MAP4K3: variants seen among roughly 807,000 people sequenced by gnomAD.
MAP4K3 encodes MAPK/ERK kinase kinase kinase 3.
MAP4K3 carries 94 observed loss-of-function variants against 143.5 expected under a neutral mutation model. That is an observed-to-expected ratio of 0.65 (90% CI 0.55 to 0.78). The LOEUF is 0.78. MAP4K3 is among the 30% of genes least tolerant of loss of function. MAP4K3 has a pLI of 0.00. For missense variants in MAP4K3, 1,077 were observed against 1,068.1 expected (o/e 1.01, Z -0.12); for synonymous variants, 416 against 347.2 (o/e 1.20, Z -2.20).
rs2148505418 is a variant in MAP4K3 at position 39,315,649 on chromosome 2, T to G, written c.919-261A>C. ...TTCTTTGGCTAAATACATATGAAAT[T>G]AAACACAATTAGTAACATATTCTTA... On this transcript the variant is annotated intron_variant, in intron 12 of 33. Transcript: ENST00000263881. The G allele has an allele frequency of 7.5e-6, 3 of 400,488 alleles. No individual in the cohort carries two copies. The Admixed American group carries it at 1.2e-4, about 16-fold the overall frequency. 24.8% of individuals were successfully genotyped at this position (400,488 alleles called of 1,614,324 possible).
intron 1 of MAP4K3, among the ~76,000 whole-genome samples, chr2:39,401,914 T>C (rs1017026105): frequency 5.3e-5 from 8 of 152,048 alleles, no homozygotes; most frequent in African/African-American, 1.9e-4. Flanking sequence ...CAAAGTAGAA[T>C]TCACAATGTC....
intron 31 of MAP4K3, among the ~76,000 whole-genome samples, chr2:39,257,819 T>C (rs532111006): frequency 7.0e-6 from 1 of 142,766 alleles, no homozygotes; most frequent in East Asian, 2.0e-4. Context: ...AAAAAAGAAA[T>C]GATATTACTT....
intron 1 of MAP4K3, among the ~76,000 whole-genome samples, chr2:39,408,816 G>C (rs1054711814): frequency 2.0e-5 from 3 of 152,166 alleles, no homozygotes; most frequent in Non-Finnish European, 4.4e-5. Context: ...AGAAGAAGCA[G>C]TGCCAGAAAG....
At chr2:39,288,714 A>G (rs1313894484) in intron 19 of MAP4K3, among the ~76,000 whole-genome samples, 1 of 152,156 alleles carries the variant, frequency 6.6e-6, no homozygotes, top group Non-Finnish European at 1.5e-5. Flanking sequence ...CTTTATGGTA[A>G]TGCTTAATCT....
intron 1 of MAP4K3, among the ~76,000 whole-genome samples, chr2:39,401,915 T>G (rs550789897): frequency 3.3e-5 from 5 of 152,092 alleles, no homozygotes; most frequent in African/African-American, 1.2e-4. Flanking sequence ...AAAGTAGAAT[T>G]CACAATGTCT....
chr2:39,351,777 T>C (rs1665466932), intron 3 of MAP4K3, among the ~76,000 whole-genome samples: 1 of 152,154 alleles, frequency 6.6e-6, no homozygotes, highest in Non-Finnish European at 1.5e-5. Context: ...CAAGTGATTC[T>C]CCTGCTTCAG....
rs773723674 is a variant in MAP4K3, at chr2:39,272,476, A to G, written c.1855+6T>C. ...TTGTAAGGTATTTAAAAACTAATATACTTACCAGATATTGATAGCAAGCAA... is the reference window on the plus strand; with the variant it reads ...TTGTAAGGTATTTAAAAACTAATATGCTTACCAGATATTGATAGCAAGCAA... On this transcript the variant is annotated splice_donor_region_variant and intron_variant, in intron 25 of 33. Coordinates refer to ENST00000263881, the MANE Select transcript of MAP4K3 (RefSeq NM_003618.4). 5.6e-6 allele frequency: 9 copies of G among 1,609,288 alleles called. No individual in the cohort carries two copies. The highest frequency in any genetic ancestry group is 1.7e-5 in the Admixed American group (1 of 60,012).
At chr2:39,415,168 T>C (rs1194240333) in intron 1 of MAP4K3, among the ~76,000 whole-genome samples, 1 of 152,230 alleles carries the variant, frequency 6.6e-6, no homozygotes, top group African/African-American at 2.4e-5. Context: ...ATTTAAATGT[T>C]ATAGCTCTCA....
chr2:39,270,103 T>C (rs1680950224), intron 26 of MAP4K3, among the ~76,000 whole-genome samples: 1 of 152,166 alleles, frequency 6.6e-6, no homozygotes, highest in African/African-American at 2.4e-5. Flanking sequence ...AAAGCTAACT[T>C]AGGGGTTAAA....
intron 12 of MAP4K3, among the ~76,000 whole-genome samples, chr2:39,325,294 G>A (rs1402569949): frequency 1.3e-5 from 2 of 152,118 alleles, no homozygotes; most frequent in Non-Finnish European, 2.9e-5. Flanking sequence ...ATATGCCTTT[G>A]CCATTTTCAC....
In MAP4K3 at chr2:39,280,301, G is replaced by A; in HGVS notation, c.1685C>T (p.Ala562Val). ...FNGCPLKIHCASSWINPDTRD... is the reference protein window; with the variant it reads ...FNGCPLKIHCVSSWINPDTRD... ...TGTATCTGGGTTTATCCATGATGAT[G>A]CACAGTGAATTTTCAAGGGACACCC... is the stretch of plus-strand genomic sequence containing the variant. The change falls in exon 23 of 34, where the codon GCA (alanine) becomes GTA (valine). Residue 562 changes from alanine (A) to valine (V), a missense_variant. Transcript: ENST00000263881. The A allele has an allele frequency of 6.3e-7, 1 of 1,598,016 alleles. No individual in the cohort carries two copies. Among genetic ancestry groups the A allele is most frequent in the Non-Finnish European group, 8.5e-7 (1 of 1,170,314 alleles).
At chr2:39,265,571 G>C (rs180762009) in intron 27 of MAP4K3, among the ~76,000 whole-genome samples, 1 of 152,268 alleles carries the variant, frequency 6.6e-6, no homozygotes, top group Admixed American at 6.5e-5. Flanking sequence ...TGGGGTAAGA[G>C]GAAGGACTTT....
At chr2:39,280,169 T>C in intron 23 of MAP4K3, 103 bp downstream of exon 23, 1 of 647,726 alleles carries the variant, frequency 1.5e-6, no homozygotes. Context: ...CAAAACTTTT[T>C]TTCCCCAGAA....
At chr2:39,337,608 TA>T in intron 4 of MAP4K3, 27 bp from the exon 5 acceptor site, 1 of 1,504,762 alleles carries the variant, frequency 6.6e-7, no homozygotes, top group Non-Finnish European at 9.2e-7. Flanking sequence ...TTAATACTCA[TA>T]AAATTAGTCA....
At chr2:39,356,135 C>G in intron 3 of MAP4K3, 114 bp downstream of exon 3, 1 of 649,224 alleles carries the variant, frequency 1.5e-6, no homozygotes, top group Non-Finnish European at 2.7e-6. Flanking sequence ...AATATCCTAT[C>G]TTCAAAGCAT....
intron 18 of MAP4K3, among the ~76,000 whole-genome samples, chr2:39,291,294 G>A (rs927943456): frequency 6.6e-6 from 1 of 152,052 alleles, no homozygotes; most frequent in African/African-American, 2.4e-5. Context: ...TTAAAAAGAA[G>A]TAATTGGGTA....
At chr2:39,365,921 T>G (rs1665910343) in intron 2 of MAP4K3, among the ~76,000 whole-genome samples, 1 of 152,234 alleles carries the variant, frequency 6.6e-6, no homozygotes, top group South Asian at 2.1e-4. Context: ...GTAAAAGTGT[T>G]TTAAAGTCAA....
intron 3 of MAP4K3, among the ~76,000 whole-genome samples, chr2:39,348,107 C>G (rs1021823774): frequency 6.6e-6 from 1 of 152,032 alleles, no homozygotes; most frequent in African/African-American, 2.4e-5. Flanking sequence ...CTATAATTAT[C>G]TACTCACCAT....
intron 1 of MAP4K3, among the ~76,000 whole-genome samples, chr2:39,420,976 T>C (rs1667529882): frequency 6.6e-6 from 1 of 152,174 alleles, no homozygotes; most frequent in South Asian, 2.1e-4. Context: ...CCAGGTCATC[T>C]ATGCCCCCAG....
Sources: allele counts gnomAD v4.1 joint callset (sites outside exome capture counted in the v4.1 genomes callset), GRCh38; gene constraint gnomAD v4.1.1; transcripts MANE v1.5; gene names NCBI Gene and HGNC (gene_info 2026-07-23, HGNC 2026-07-21).